Variants in NBPF26 observed in about 807,000 individuals in gnomAD.
The protein encoded by NBPF26 is NBPF family member NBPF26.
NBPF26 carries 79 observed loss-of-function variants against 119.6 expected under a neutral mutation model. The observed-to-expected ratio is 0.66, with a 90% CI of 0.55 to 0.80. The LOEUF is 0.80. Ranked by LOEUF, NBPF26 falls within the 30% of genes least tolerant of loss-of-function variation. The probability of loss-of-function intolerance (pLI) is 0.00; values close to 1 mark genes in which losing one functional copy is unlikely to be tolerated. For synonymous variants in NBPF26, 299 were observed against 457.7 expected, an observed-to-expected ratio of 0.65 and a Z score of 4.43; for missense variants, 800 against 1,198.2, an observed-to-expected ratio of 0.67 and a Z score of 4.91.
Position 120,805,633 on chromosome 1 carries a change from A to T in NBPF26, c.829A>T (p.Met277Leu), listed in dbSNP as rs1651663553. The T allele has an allele frequency of 4.8e-6, 7 of 1,462,796 alleles. 1 individual carries two copies. The South Asian group carries it at 7.1e-5, about 15-fold the overall frequency. The allele number at this position is 1,462,796 out of a possible 1,614,324, so 90.6% of individuals were successfully genotyped here. A position where few individuals can be genotyped will look rare whatever the true frequency, so the allele number is the denominator to read the frequency against. Residue 277 changes from methionine (M) to leucine (L), a missense_variant, in exon 5 of 30, where the codon ATG becomes TTG. By Grantham distance (15) the Met-to-Leu change is conservative. This residue lies in a region of NBPF26 where 155 missense variants were observed against 143.7 expected (regional missense o/e 1.08). Transcript: ENST00000620612. Reference sequence around the variant, plus strand: ...CCATTGGTCCAGTGAGAAGGCAGAGATGAACATTCTAGAAATCAACGAGAC... The same window carrying T: ...CCATTGGTCCAGTGAGAAGGCAGAGTTGAACATTCTAGAAATCAACGAGAC...
rs1434333603 is a variant in NBPF26, at chr1:120,758,294, T to TA, written c.74-5333dup. ...TTGGAAGAAAAAGTGTCAAACTTGG[T>TA]ACTGTGTGAAGGTACTGCACAGACC... On this transcript the variant is annotated intron_variant, in intron 1 of 29. Coordinates refer to ENST00000620612, the Ensembl canonical transcript of NBPF26. 4.4e-5 allele frequency among the ~76,000 whole-genome samples: 5 copies of TA among 114,206 alleles called. 2 individuals are homozygous for TA. Among genetic ancestry groups the TA allele is most frequent in the Non-Finnish European group, 8.5e-5 (5 of 58,606 alleles). 74.9% of individuals were successfully genotyped at this position (114,206 alleles called of 152,430 possible).
rs1310450141 is a variant in NBPF26 at position 120,816,932 on chromosome 1, A to C, written c.2371+105A>C. On this transcript the variant is annotated intron_variant, in intron 14 of 29. Transcript: ENST00000620612. Reference sequence around the variant, plus strand: ...AAATTCATTTGAATAAAAAACTGTGATGGGTTTCTAAACAGATATCAGGGA... The same window carrying C: ...AAATTCATTTGAATAAAAAACTGTGCTGGGTTTCTAAACAGATATCAGGGA... 7.1e-6 allele frequency: 8 copies of C among 1,134,372 alleles called. 1 individual carries two copies. Among genetic ancestry groups the C allele is most frequent in the Middle Eastern group, 5.7e-4 (2 of 3,516 alleles). The allele number at this position is 1,134,372 out of a possible 1,614,324, so 70.3% of individuals were successfully genotyped here. A position where few individuals can be genotyped will look rare whatever the true frequency, so the allele number is the denominator to read the frequency against.
Position 120,790,685 on chromosome 1 carries a change from C to T in NBPF26, c.416-2476C>T, listed in dbSNP as rs1402037134. ...CGCAGTCTCGGCTCACTGCAACCTC[C>T]ACCTCTTGGGTTCGAGTGATTCTTG... is the stretch of plus-strand genomic sequence containing the variant. On this transcript the variant is annotated intron_variant, in intron 3 of 29. Coordinates refer to ENST00000620612, the Ensembl canonical transcript of NBPF26. 4.5e-5 allele frequency among the ~76,000 whole-genome samples: 5 copies of T among 109,976 alleles called. 1 individual carries two copies. The highest frequency in any genetic ancestry group is 8.5e-5 in the Non-Finnish European group (5 of 58,722). The allele number at this position is 109,976 out of a possible 152,430, so 72.1% of individuals were successfully genotyped here. A position where few individuals can be genotyped will look rare whatever the true frequency, so the allele number is the denominator to read the frequency against.
rs1252933573 is a variant in NBPF26 at position 120,747,236 on chromosome 1, A to T, written c.74-16392A>T. ...TGGCCCTTGGTCAGATGGCTAGAAG[A>T]TAGAGAGCCAGGCATAGAACCCAGA... On this transcript the variant is annotated intron_variant, in intron 1 of 29. Coordinates refer to ENST00000620612, the Ensembl canonical transcript of NBPF26. Among the ~76,000 whole-genome samples the T allele has an allele frequency of 1.6e-3, 48 of 29,370 alleles. 22 individuals are homozygous for T. Among genetic ancestry groups the T allele is most frequent in the Non-Finnish European group, 4.2e-4 (7 of 16,582 alleles). 19.3% of individuals were successfully genotyped at this position (29,370 alleles called of 152,430 possible). A position where few individuals can be genotyped will look rare whatever the true frequency, so the allele number is the denominator to read the frequency against.
chr1:120,818,972 A>C (rs1471839298), intron 15 of NBPF26, among the ~76,000 whole-genome samples: 1 of 103,864 alleles, frequency 9.6e-6, no homozygotes, highest in African/African-American at 5.2e-5. Context: ...TGGTGTGGAG[A>C]GTTCTGTAGA....
rs1343696606 is a variant in NBPF26 at position 120,728,842 on chromosome 1, C to T, written c.73+4592C>T. Among the ~76,000 whole-genome samples, 5 of 110,104 alleles carry T rather than the reference C, an allele frequency of 4.5e-5. 1 individual carries two copies. The highest frequency in any genetic ancestry group is 8.5e-5 in the Non-Finnish European group (5 of 58,792). The allele number at this position is 110,104 out of a possible 152,430, so 72.2% of individuals were successfully genotyped here. ...TTTTTTTTTGAACCAAGAGAGTCCC[C>T]TGAACACCCTACTGACAAAAACTAA... On this transcript the variant is annotated intron_variant, in intron 1 of 29. Coordinates refer to ENST00000620612, the Ensembl canonical transcript of NBPF26.
rs1481943404 is a variant in NBPF26 at position 120,804,905 on chromosome 1, G to A, written c.752-651G>A. Reference sequence around the variant, plus strand: ...ATACAGAAAAAACTGCAGAAGACCCGGAGGATATCAGGGCAGGCTAAAAGT... The same window carrying A: ...ATACAGAAAAAACTGCAGAAGACCCAGAGGATATCAGGGCAGGCTAAAAGT... On this transcript the variant is annotated intron_variant, in intron 4 of 29. Coordinates refer to ENST00000620612, the Ensembl canonical transcript of NBPF26. 1.3e-4 allele frequency among the ~76,000 whole-genome samples: 16 copies of A among 119,840 alleles called. 1 individual carries two copies. Among genetic ancestry groups the A allele is most frequent in the African/African-American group, 4.5e-4 (10 of 22,052 alleles). The allele number at this position is 119,840 out of a possible 152,430, so 78.6% of individuals were successfully genotyped here.
rs1553269665 is a variant in NBPF26 at position 120,805,535 on chromosome 1, G to A, written c.752-21G>A. On this transcript the variant is annotated intron_variant, in intron 4 of 29. Coordinates refer to ENST00000620612, the Ensembl canonical transcript of NBPF26. ...TTCACCAGTTTTTAACCCATCATAT[G>A]TTTGGGTTTCTTCTCCCCAGTCCCT... 4 of 1,218,456 alleles carry A rather than the reference G, an allele frequency of 3.3e-6. 1 individual carries two copies. Among genetic ancestry groups the A allele is most frequent in the African/African-American group, 4.5e-5 (2 of 44,034 alleles). The allele number at this position is 1,218,456 out of a possible 1,614,324, so 75.5% of individuals were successfully genotyped here. A position where few individuals can be genotyped will look rare whatever the true frequency, so the allele number is the denominator to read the frequency against.
intron 4 of NBPF26, among the ~76,000 whole-genome samples, chr1:120,804,593 T>A (rs1651632228): frequency 8.5e-6 from 1 of 117,186 alleles, no homozygotes; most frequent in Non-Finnish European, 1.7e-5. Flanking sequence ...ATATAAATGA[T>A]TTGATCACTT....
chr1:120,728,033 T>C (rs1650834780), intron 1 of NBPF26, among the ~76,000 whole-genome samples: 1 of 118,588 alleles, frequency 8.4e-6, no homozygotes, highest in Admixed American at 8.0e-5. Context: ...CCAATTAGAG[T>C]TGAGACTAGA....
At position 120,805,327 on chromosome 1, in the gene NBPF26, T is replaced by G. The variant is rs1381370674; in HGVS notation, c.752-229T>G. ...GTTACCTGGCACGCTGGCCACATTCTGCCTCACTCTTATCAGAGTCTGAGC... is the reference window on the plus strand; with the variant it reads ...GTTACCTGGCACGCTGGCCACATTCGGCCTCACTCTTATCAGAGTCTGAGC... On this transcript the variant is annotated intron_variant, in intron 4 of 29. Coordinates refer to ENST00000620612, the Ensembl canonical transcript of NBPF26. The G allele has an allele frequency of 6.8e-6, 7 of 1,031,388 alleles. 1 individual carries two copies. In the East Asian group the frequency reaches 1.5e-4, roughly 23 times the overall value. The allele number at this position is 1,031,388 out of a possible 1,614,324, so 63.9% of individuals were successfully genotyped here. A position where few individuals can be genotyped will look rare whatever the true frequency, so the allele number is the denominator to read the frequency against.
At chr1:120,729,093 G>C (rs1650847903) in intron 1 of NBPF26, among the ~76,000 whole-genome samples, 1 of 105,758 alleles carries the variant, frequency 9.5e-6, no homozygotes, top group Non-Finnish European at 1.7e-5. Flanking sequence ...CTATAGGAGA[G>C]GCTGATGGTG....
At chr1:120,765,077 G>A (rs1371787787) in intron 2 of NBPF26, among the ~76,000 whole-genome samples, 1 of 106,116 alleles carries the variant, frequency 9.4e-6, no homozygotes, top group Non-Finnish European at 1.8e-5. Flanking sequence ...TTAACAATAG[G>A]TTGTTTGGAT....
chr1:120,743,606 CT>C (rs1650954136), intron 1 of NBPF26, among the ~76,000 whole-genome samples: 1 of 105,546 alleles, frequency 9.5e-6, no homozygotes, highest in Admixed American at 9.7e-5. Context: ...TAAATAAGGT[CT>C]TGTTGTTTTG....
At chr1:120,729,503 A>G (rs1357322605) in intron 1 of NBPF26, among the ~76,000 whole-genome samples, 6 of 108,046 alleles carry the variant, frequency 5.6e-5, no homozygotes, top group Non-Finnish European at 1.1e-4. Context: ...GAGTCCTGAG[A>G]CCTGTGCAGG....
intron 4 of NBPF26, among the ~76,000 whole-genome samples, chr1:120,801,681 T>C (rs1651583631): frequency 9.2e-6 from 1 of 108,456 alleles, no homozygotes; most frequent in Admixed American, 8.9e-5. Context: ...AATAAAAAAC[T>C]AGCCAGAAAT....
intron 1 of NBPF26, among the ~76,000 whole-genome samples, chr1:120,743,793 G>A (rs1650955792): frequency 7.9e-6 from 1 of 126,344 alleles, no homozygotes; most frequent in Non-Finnish European, 1.6e-5. Flanking sequence ...GTGAGCCCAG[G>A]GAATGTGCTT....
In NBPF26 at chr1:120,770,415, C is replaced by T. The variant is rs1651249765; in HGVS notation, c.155+6706C>T. 4.5e-5 allele frequency among the ~76,000 whole-genome samples: 5 copies of T among 111,376 alleles called. 2 individuals carry two copies. The highest frequency in any genetic ancestry group is 2.6e-4 in the South Asian group (1 of 3,846). The allele number at this position is 111,376 out of a possible 152,430, so 73.1% of individuals were successfully genotyped here. A position where few individuals can be genotyped will look rare whatever the true frequency, so the allele number is the denominator to read the frequency against. ...CTATCTCCTGACCTCATGATCTGCC[C>T]GCCTCGGCCTCCCAAAGTGCTGGGA... On this transcript the variant is annotated intron_variant, in intron 2 of 29. Coordinates refer to ENST00000620612, the Ensembl canonical transcript of NBPF26.
In NBPF26 at chr1:120,814,682, C is replaced by G. The variant is rs1333683812; in HGVS notation, c.1878-147C>G. 6 of 618,976 alleles carry G rather than the reference C, an allele frequency of 9.7e-6. 1 individual carries two copies. The Admixed American group carries it at 1.1e-4, about 11-fold the overall frequency. The allele number at this position is 618,976 out of a possible 1,614,324, so 38.3% of individuals were successfully genotyped here. On this transcript the variant is annotated intron_variant, in intron 11 of 29. Coordinates refer to ENST00000620612, the Ensembl canonical transcript of NBPF26. The stretch of plus-strand genomic sequence containing the variant: ...CTGTAAACCATTTTCTATTCTTTCT[C>G]TTGGCCACAGACATTCCTTTAAACA...
Sources: gnomAD v4.1 joint callset for allele counts (sites outside exome capture counted in the v4.1 genomes callset) on GRCh38, gnomAD v4.1.1 for gene constraint, gnomAD v4.1.1 regional missense constraint, MANE v1.5 for transcripts, NCBI Gene and HGNC (gene_info 2026-07-23, HGNC 2026-07-21) for gene names.